Variants in CORIN observed in about 807,000 individuals in gnomAD.
CORIN encodes corin, serine peptidase.
In CORIN, 117 loss-of-function variants were observed where a neutral mutation model predicts 125.3. The ratio of observed to expected loss-of-function variants is 0.93; its 90% CI spans 0.80 to 1.09. The LOEUF (loss-of-function observed/expected upper bound fraction) is 1.09. Among genes scored for constraint, CORIN ranks in the 50% least tolerant of loss-of-function variants. The pLI is 0.00. For missense variants in CORIN, 1,253 were observed against 1,306.7 expected, an observed-to-expected ratio of 0.96 and a Z score of 0.63; for synonymous variants, 450 against 466.4, an observed-to-expected ratio of 0.96 and a Z score of 0.45.
In CORIN at chr4:47,805,148, A is replaced by AAAAATAATAATAATAAT. The variant is rs796469224; in HGVS notation, c.208+1754_208+1755insATTATTATTATTATTTT. On this transcript the variant is annotated intron_variant, in intron 2 of 21. Coordinates refer to ENST00000273857, the MANE Select transcript of CORIN (RefSeq NM_006587.4). Reference sequence around the variant, plus strand: ...GAGACTCCATCTCAAAAAAAAAAAAAAATAATAATAATAATAATAATAATA... The same window carrying AAAAATAATAATAATAAT: ...GAGACTCCATCTCAAAAAAAAAAAAAAAAATAATAATAATAATAATAATAATAATAATAATAATAATA... Among the ~76,000 whole-genome samples the AAAAATAATAATAATAAT allele has an allele frequency of 2.1e-3, 275 of 129,104 alleles. 1 individual carries two copies. The highest frequency in any genetic ancestry group is 6.5e-3 in the African/African-American group (220 of 34,064). The allele number at this position is 129,104 out of a possible 152,430, so 84.7% of individuals were successfully genotyped here.
Position 47,692,841 on chromosome 4 carries a change from T to C in CORIN, c.913+129A>G, listed in dbSNP as rs185597341. The C allele has an allele frequency of 1.4e-4, 96 of 704,542 alleles. No individual in the cohort carries two copies. The African/African-American group carries it at 1.5e-3, about 11-fold the overall frequency. 43.6% of individuals were successfully genotyped at this position (704,542 alleles called of 1,614,324 possible). A position where few individuals can be genotyped will look rare whatever the true frequency, so the allele number is the denominator to read the frequency against. ...GTGTGCAAACATGCTGCTGTCATTC[T>C]GGGGGAAGATAAACACGTTTGCTCG... On this transcript the variant is annotated intron_variant, in intron 6 of 21. Coordinates refer to ENST00000273857, the MANE Select transcript of CORIN (RefSeq NM_006587.4).
chr4:47,604,818 T>C (rs537236995), intron 19 of CORIN, among the ~76,000 whole-genome samples: 1 of 152,328 alleles, frequency 6.6e-6, no homozygotes, highest in South Asian at 2.1e-4. Context: ...TATCAGGATA[T>C]ATATTGACTA....
intron 12 of CORIN, among the ~76,000 whole-genome samples, chr4:47,660,376 A>G (rs757876569): frequency 1.3e-4 from 20 of 152,198 alleles, no homozygotes; most frequent in Non-Finnish European, 2.8e-4. Context: ...AAGCAAAGGA[A>G]AGTGAAGAGA....
chr4:47,828,366 T>G (rs1316041248), intron 1 of CORIN, among the ~76,000 whole-genome samples: 1 of 152,210 alleles, frequency 6.6e-6, no homozygotes, highest in African/African-American at 2.4e-5. Flanking sequence ...TTTTCAGCCC[T>G]ACTCCCCAAC....
At chr4:47,836,292 C>A (rs1006800534) in intron 1 of CORIN, among the ~76,000 whole-genome samples, 2 of 150,698 alleles carry the variant, frequency 1.3e-5, no homozygotes, top group African/African-American at 4.9e-5. Context: ...TAGAAACAAG[C>A]TAATGAATGT....
At chr4:47,797,889 C>A (rs374538496) in intron 2 of CORIN, among the ~76,000 whole-genome samples, 1 of 152,028 alleles carries the variant, frequency 6.6e-6, no homozygotes, top group East Asian at 1.9e-4. Context: ...AAGAGTAAAA[C>A]CCTAAAGCCA....
intron 5 of CORIN, among the ~76,000 whole-genome samples, chr4:47,696,531 G>C (rs1467539272): frequency 2.0e-5 from 3 of 152,134 alleles, no homozygotes; most frequent in African/African-American, 7.2e-5. Context: ...ATTTTACCAA[G>C]TAAAGATACT....
At chr4:47,643,012 A>G in intron 15 of CORIN, 134 bp downstream of exon 15, 1 of 1,542,878 alleles carries the variant, frequency 6.5e-7, no homozygotes, top group South Asian at 1.2e-5. Flanking sequence ...GATCAGCACT[A>G]TCAGCTTTTA....
intron 3 of CORIN, among the ~76,000 whole-genome samples, chr4:47,774,704 T>C (rs1730212263): frequency 6.6e-6 from 1 of 152,196 alleles, no homozygotes; most frequent in Admixed American, 6.5e-5. Context: ...TCTTATCATG[T>C]GCCAGACTGT....
At chr4:47,598,892 G>T (rs1007969333) in intron 21 of CORIN, among the ~76,000 whole-genome samples, 1 of 152,320 alleles carries the variant, frequency 6.6e-6, no homozygotes, top group Non-Finnish European at 1.5e-5. Flanking sequence ...GAATGTCTAA[G>T]TATGTGCCAG....
At chr4:47,613,787 A>G (rs1280272123) in intron 19 of CORIN, among the ~76,000 whole-genome samples, 1 of 126,268 alleles carries the variant, frequency 7.9e-6, no homozygotes, top group Non-Finnish European at 1.6e-5. Context: ...GAAGGGGAAC[A>G]TCACACTCTG....
At chr4:47,637,859 G>A (rs1340285398) in intron 16 of CORIN, among the ~76,000 whole-genome samples, 2 of 152,132 alleles carry the variant, frequency 1.3e-5, no homozygotes, top group East Asian at 3.9e-4. Context: ...TGAGAAGAGG[G>A]CCACCATCCT....
chr4:47,708,263 G>A (rs919490398), intron 5 of CORIN, among the ~76,000 whole-genome samples: 2 of 152,172 alleles, frequency 1.3e-5, no homozygotes, highest in Non-Finnish European at 2.9e-5. Context: ...TCAAGGTGTT[G>A]GCAAAGCTGT....
At chr4:47,772,047 A>G (rs1730056061) in intron 3 of CORIN, among the ~76,000 whole-genome samples, 1 of 152,004 alleles carries the variant, frequency 6.6e-6, no homozygotes, top group East Asian at 1.9e-4. Context: ...TTGGTGATGT[A>G]TTTTGCCAAG....
chr4:47,726,693 T>C (rs779882903), intron 5 of CORIN, among the ~76,000 whole-genome samples: 9 of 152,182 alleles, frequency 5.9e-5, no homozygotes, highest in Non-Finnish European at 1.3e-4. Flanking sequence ...TTTCATTGTA[T>C]GGAAATTTAA....
chr4:47,763,601 C>T lies in CORIN; in HGVS notation c.410-15G>A, dbSNP rs775169595. On this transcript the variant is annotated splice_polypyrimidine_tract_variant and intron_variant, in intron 3 of 21. Transcript: ENST00000273857. The stretch of plus-strand genomic sequence containing the variant: ...CATACAGGCACCTGGGAAGTAAAGA[C>T]ATGCACATTTAAGAGTGGACACATC... 1 of 1,608,054 alleles carries T rather than the reference C, an allele frequency of 6.2e-7. No homozygotes were observed. The highest frequency in any genetic ancestry group is 8.5e-7 in the Non-Finnish European group (1 of 1,174,536).
intron 5 of CORIN, among the ~76,000 whole-genome samples, chr4:47,723,195 G>T (rs950817654): frequency 1.1e-4 from 16 of 152,118 alleles, no homozygotes; most frequent in Admixed American, 3.3e-4. Flanking sequence ...CCCCAGAGTT[G>T]GCTGCAACAG....
intron 3 of CORIN, among the ~76,000 whole-genome samples, chr4:47,772,101 ATAGATAGATAGATAGG>A (rs1345178131): frequency 2.0e-5 from 3 of 151,934 alleles, no homozygotes; most frequent in African/African-American, 7.3e-5. Context: ...AGATAGATAG[ATAGATAGATAGATAGG>A]TAGATAGATA....
chr4:47,718,269 A>G (rs1203635021), intron 5 of CORIN, among the ~76,000 whole-genome samples: 3 of 152,212 alleles, frequency 2.0e-5, no homozygotes, highest in African/African-American at 4.8e-5. Context: ...GAAAGGTTGG[A>G]TTAATTCAAT....
Sources: allele counts gnomAD v4.1 joint callset (sites outside exome capture counted in the v4.1 genomes callset), GRCh38; gene constraint gnomAD v4.1.1; transcripts MANE v1.5; gene names NCBI Gene and HGNC (gene_info 2026-07-23, HGNC 2026-07-21).